ZDHHC3: variants seen among roughly 807,000 people sequenced by gnomAD.
The protein encoded by ZDHHC3 is zDHHC palmitoyltransferase 3.
In ZDHHC3, 9 loss-of-function variants were observed where a neutral mutation model predicts 30.6. The ratio of observed to expected loss-of-function variants is 0.29; its 90% CI spans 0.18 to 0.51. The LOEUF (loss-of-function observed/expected upper bound fraction) is 0.51, where lower values mean the gene tolerates loss of function less well. ZDHHC3 is among the 20% of genes least tolerant of loss of function. The pLI, the probability that ZDHHC3 is intolerant of heterozygous loss-of-function variation, is 0.97. For missense variants in ZDHHC3, 246 were observed against 384.2 expected, an observed-to-expected ratio of 0.64 and a Z score of 3.01; for synonymous variants, 136 against 140.2, an observed-to-expected ratio of 0.97 and a Z score of 0.21.
At position 44,920,828 on chromosome 3, in the gene ZDHHC3, A is replaced by C. The variant is rs1185177845; in HGVS notation, c.*5861T>G. The C allele has an allele frequency of 6.1e-6, 6 of 985,310 alleles. No homozygotes were observed. The highest frequency in any genetic ancestry group is 7.2e-6 in the Non-Finnish European group (6 of 829,938). 61.0% of individuals were successfully genotyped at this position (985,310 alleles called of 1,614,324 possible). A position where few individuals can be genotyped will look rare whatever the true frequency, so the allele number is the denominator to read the frequency against. On this transcript the variant is annotated 3_prime_UTR_variant, in exon 7 of 7. Coordinates refer to ENST00000424952, the MANE Select transcript of ZDHHC3 (RefSeq NM_001135179.2). The stretch of plus-strand genomic sequence containing the variant: ...ATTCCAGACAGAGCCTGGCCTGTCT[A>C]CCAGAGGTCTTCAGCAGTAAAGTCG...
intron 2 of ZDHHC3, among the ~76,000 whole-genome samples, chr3:44,958,149 G>A (rs1704116287): frequency 6.6e-6 from 1 of 152,182 alleles, no homozygotes; most frequent in South Asian, 2.1e-4. Flanking sequence ...GGCATGCGCA[G>A]GAACAGAGAT....
At chr3:44,948,832 C>T (rs1703181621) in intron 2 of ZDHHC3, among the ~76,000 whole-genome samples, 1 of 152,264 alleles carries the variant, frequency 6.6e-6, no homozygotes, top group African/African-American at 2.4e-5. Context: ...TCTGCTTCTC[C>T]TGCCTCAGTG....
Position 44,959,053 on chromosome 3 carries a change from G to T in ZDHHC3, c.306+78C>A. 1.9e-6 allele frequency: 3 copies of T among 1,545,058 alleles called. No individual in the cohort carries two copies. Among genetic ancestry groups the T allele is most frequent in the Non-Finnish European group, 2.7e-6 (3 of 1,131,338 alleles). On this transcript the variant is annotated intron_variant, in intron 2 of 6. Coordinates refer to ENST00000424952, the MANE Select transcript of ZDHHC3 (RefSeq NM_001135179.2). The surrounding 1 kb of genome is among the most constrained non-coding windows in gnomAD (Gnocchi z 4.3). ...TCCTCCAAGTTCCCAAGGTCCAGGG[G>T]GAACATGCAGGCTGTGGCCATGCCA... is the stretch of plus-strand genomic sequence containing the variant.
Position 44,923,665 on chromosome 3 carries a change from T to C in ZDHHC3, c.*3024A>G. 1.3e-6 allele frequency: 1 copy of C among 749,188 alleles called. No individual in the cohort carries two copies. Among genetic ancestry groups the C allele is most frequent in the Non-Finnish European group, 1.6e-6 (1 of 614,684 alleles). 46.4% of individuals were successfully genotyped at this position (749,188 alleles called of 1,614,324 possible). On this transcript the variant is annotated 3_prime_UTR_variant, in exon 7 of 7. Transcript: ENST00000424952. ...AAAAAACAAAAAAATTAGCCAGGCA[T>C]GGTAGTACGTGCCTGTAGCCCTGGA...
At chr3:44,967,850 G>T (rs1705084599) in intron 1 of ZDHHC3, among the ~76,000 whole-genome samples, 1 of 152,184 alleles carries the variant, frequency 6.6e-6, no homozygotes, top group South Asian at 2.1e-4. Context: ...GAAAACTTAT[G>T]TTTTAGGCAA....
intron 2 of ZDHHC3, among the ~76,000 whole-genome samples, chr3:44,946,075 T>C (rs1702906867): frequency 1.3e-5 from 2 of 152,348 alleles, no homozygotes; most frequent in Middle Eastern, 3.4e-3. Context: ...TTTCCCCAGA[T>C]CAAAATTTGC....
At chr3:44,970,374 G>C (rs1387002197) in intron 1 of ZDHHC3, among the ~76,000 whole-genome samples, 1 of 152,210 alleles carries the variant, frequency 6.6e-6, no homozygotes. Flanking sequence ...AGGGAATGAA[G>C]ACTGAGCTTG....
At position 44,924,153 on chromosome 3, in the gene ZDHHC3, T is replaced by G. The variant is rs1482887306; in HGVS notation, c.*2536A>C. ...CACCAAACAGTACTATCAGAACTCC[T>G]GTGACCAAGCCAAAAGTTGGGGCTG... On this transcript the variant is annotated 3_prime_UTR_variant, in exon 7 of 7. Transcript: ENST00000424952. 1.0e-6 allele frequency: 1 copy of G among 985,320 alleles called. No homozygotes were observed. Among genetic ancestry groups the G allele is most frequent in the Non-Finnish European group, 1.2e-6 (1 of 829,940 alleles). 61.0% of individuals were successfully genotyped at this position (985,320 alleles called of 1,614,324 possible).
At chr3:44,957,791 A>C (rs1196834984) in intron 2 of ZDHHC3, among the ~76,000 whole-genome samples, 1 of 152,180 alleles carries the variant, frequency 6.6e-6, no homozygotes, top group Non-Finnish European at 1.5e-5. Flanking sequence ...CCAAACCTTC[A>C]TCACACAGGG....
At chr3:44,929,128 G>C (rs1701261728) in intron 6 of ZDHHC3, among the ~76,000 whole-genome samples, 178 bp downstream of exon 6, 1 of 152,210 alleles carries the variant, frequency 6.6e-6, no homozygotes, top group Non-Finnish European at 1.5e-5. Context: ...CAAGGCTGGA[G>C]GACTTGTGTG....
rs1460113994 is a variant in ZDHHC3, at chr3:44,916,745, A to G, written c.*9944T>C. Reference sequence around the variant, plus strand: ...CTGGAATGGGGTTTAGGAGCACCAGAACGCTGCTCAGACCTTCAGCAGTGG... The same window carrying G: ...CTGGAATGGGGTTTAGGAGCACCAGGACGCTGCTCAGACCTTCAGCAGTGG... On this transcript the variant is annotated 3_prime_UTR_variant, in exon 7 of 7. Transcript: ENST00000424952. 6.6e-6 allele frequency: 1 copy of G among 152,226 alleles called. No individual in the cohort carries two copies. Among genetic ancestry groups the G allele is most frequent in the African/African-American group, 2.4e-5 (1 of 41,442 alleles). The allele number at this position is 152,226 out of a possible 1,614,324, so 9.4% of individuals were successfully genotyped here.
intron 1 of ZDHHC3, chr3:44,969,570 G>A (rs917458510): frequency 2.6e-5 from 4 of 152,192 alleles, no homozygotes; most frequent in Non-Finnish European, 5.9e-5. Context: ...AAAGGGGGAG[G>A]AGTATTGATG....
At chr3:44,958,597 C>G (rs578018842) in intron 2 of ZDHHC3, 4 of 1,536,190 alleles carry the variant, frequency 2.6e-6, no homozygotes, top group Non-Finnish European at 3.5e-6. Flanking sequence ...CCAAGAGGCA[C>G]TTGCTGCGGC....
At chr3:44,945,530 TTTTC>T (rs1202002830) in intron 2 of ZDHHC3, among the ~76,000 whole-genome samples, 2 of 152,124 alleles carry the variant, frequency 1.3e-5, no homozygotes, top group African/African-American at 2.4e-5. Flanking sequence ...ATTTCTTTTC[TTTTC>T]TTTGTTTTTT....
chr3:44,939,550 G>A (rs952059955), intron 3 of ZDHHC3, among the ~76,000 whole-genome samples: 2 of 152,174 alleles, frequency 1.3e-5, no homozygotes, highest in African/African-American at 4.8e-5. Context: ...CCCTGCTCCT[G>A]GCTCCTGAGC....
At chr3:44,953,218 T>C (rs889402887) in intron 2 of ZDHHC3, among the ~76,000 whole-genome samples, 4 of 152,250 alleles carry the variant, frequency 2.6e-5, no homozygotes, top group African/African-American at 9.6e-5. Context: ...AGTAGGGTTC[T>C]GACCCAGACA....
intron 3 of ZDHHC3, among the ~76,000 whole-genome samples, chr3:44,935,763 A>G (rs1701907945): frequency 6.6e-6 from 1 of 152,172 alleles, no homozygotes. Flanking sequence ...GTAAATGGGG[A>G]AAAGACTCCC....
At chr3:44,935,592 T>C (rs1701892141) in intron 3 of ZDHHC3, among the ~76,000 whole-genome samples, 1 of 152,254 alleles carries the variant, frequency 6.6e-6, no homozygotes, top group Non-Finnish European at 1.5e-5. Context: ...ACTAGCTATG[T>C]GGGCTCTAGA....
In ZDHHC3 at chr3:44,917,530, G is replaced by A. The variant is rs1449727909; in HGVS notation, c.*9159C>T. ...AGAGAAGACAGAAATCCTGGGGAAA[G>A]CCAAAGGCAAGCTCTTTTCTGCCCC... On this transcript the variant is annotated 3_prime_UTR_variant, in exon 7 of 7. Transcript: ENST00000424952. The A allele has an allele frequency of 1.9e-5, 4 of 215,400 alleles. No individual in the cohort carries two copies. Among genetic ancestry groups the A allele is most frequent in the South Asian group, 7.2e-5 (1 of 13,936 alleles). 13.3% of individuals were successfully genotyped at this position (215,400 alleles called of 1,614,324 possible). A position where few individuals can be genotyped will look rare whatever the true frequency, so the allele number is the denominator to read the frequency against.
Sources: gnomAD v4.1 joint callset for allele counts (sites outside exome capture counted in the v4.1 genomes callset) on GRCh38, gnomAD v4.1.1 for gene constraint, Gnocchi (gnomAD v3.1) non-coding constraint, MANE v1.5 for transcripts, NCBI Gene and HGNC (gene_info 2026-07-23, HGNC 2026-07-21) for gene names.